Variants in MACROD2 observed in about 807,000 individuals in gnomAD.
MACROD2 encodes mono-ADP ribosylhydrolase 2, also known as ADP-ribose glycohydrolase MACROD2.
In MACROD2, 36 loss-of-function variants were observed where a neutral mutation model predicts 70.4. That is an observed-to-expected ratio of 0.51 (90% confidence interval 0.39 to 0.68). The LOEUF (loss-of-function observed/expected upper bound fraction) is 0.68. Among genes scored for constraint, MACROD2 ranks in the 30% least tolerant of loss-of-function variants. MACROD2 has a pLI of 0.00. For missense variants in MACROD2, 496 were observed against 538.4 expected, an observed-to-expected ratio of 0.92 and a Z score of 0.78; for synonymous variants, 172 against 178.8, an observed-to-expected ratio of 0.96 and a Z score of 0.30.
intron 8 of MACROD2, among the ~76,000 whole-genome samples, chr20:15,850,374 T>C (rs2064283492): frequency 6.6e-6 from 1 of 152,176 alleles, no homozygotes. Context: ...TCACTAGATA[T>C]TTGCTCAGAG....
chr20:15,983,628 G>C (rs936477606), intron 13 of MACROD2, among the ~76,000 whole-genome samples: 1 of 152,172 alleles, frequency 6.6e-6, no homozygotes, highest in Non-Finnish European at 1.5e-5. Flanking sequence ...AGCAGAGAGA[G>C]CTTGGCATGA....
At chr20:14,959,610 A>G (rs1164936986) in intron 5 of MACROD2, among the ~76,000 whole-genome samples, 3 of 152,212 alleles carry the variant, frequency 2.0e-5, no homozygotes, top group East Asian at 1.9e-4. Flanking sequence ...GCAATGCCAT[A>G]AAGATGTACA....
At chr20:14,930,759 C>A (rs1379221488) in intron 5 of MACROD2, among the ~76,000 whole-genome samples, 3 of 81,806 alleles carry the variant, frequency 3.7e-5, no homozygotes, top group African/African-American at 1.5e-4. Flanking sequence ...ATAGGGAGAG[C>A]GTGTCTTAAA....
chr20:15,786,334 T>C (rs545459578), intron 8 of MACROD2, among the ~76,000 whole-genome samples: 1 of 152,098 alleles, frequency 6.6e-6, no homozygotes, highest in East Asian at 1.9e-4. Flanking sequence ...TGATCCTAAT[T>C]TGTAAGAAAA....
intron 6 of MACROD2, among the ~76,000 whole-genome samples, chr20:15,240,191 G>A (rs175305): frequency 0.63 from 95,854 of 152,062 alleles, 31,482 homozygotes; most frequent in African/African-American, 0.79. Flanking sequence ...TGAAATGACA[G>A]TCTTGTTTGT....
At chr20:14,665,064 CATT>C (rs2070722477) in intron 4 of MACROD2, among the ~76,000 whole-genome samples, 2 of 152,210 alleles carry the variant, frequency 1.3e-5, no homozygotes, top group South Asian at 4.1e-4. Flanking sequence ...AATCCTCTGA[CATT>C]AGGGCAAAGA....
chr20:15,160,868 G>C (rs2076343426), intron 5 of MACROD2, among the ~76,000 whole-genome samples: 1 of 152,076 alleles, frequency 6.6e-6, no homozygotes, highest in African/African-American at 2.4e-5. Flanking sequence ...GCAGATGATA[G>C]CTAATTCCAT....
chr20:15,132,528 T>C (rs908541211), intron 5 of MACROD2, among the ~76,000 whole-genome samples: 6 of 151,836 alleles, frequency 4.0e-5, no homozygotes, highest in Non-Finnish European at 8.8e-5. Context: ...CAAAGAAAAC[T>C]TTTATATAGC....
chr20:14,228,635 A>G (rs2081769011), intron 3 of MACROD2, among the ~76,000 whole-genome samples: 1 of 152,224 alleles, frequency 6.6e-6, no homozygotes, highest in Non-Finnish European at 1.5e-5. Flanking sequence ...ATCCATGAAA[A>G]TGATGTAAAA....
intron 8 of MACROD2, among the ~76,000 whole-genome samples, chr20:15,570,087 A>G (rs1268065756): frequency 6.6e-6 from 1 of 152,140 alleles, no homozygotes; most frequent in Non-Finnish European, 1.5e-5. Flanking sequence ...TTCATATTGA[A>G]ATTTGTATAA....
intron 5 of MACROD2, among the ~76,000 whole-genome samples, chr20:14,793,261 A>G (rs1293542357): frequency 6.6e-6 from 1 of 152,008 alleles, no homozygotes; most frequent in Non-Finnish European, 1.5e-5. Context: ...CATATATAGT[A>G]TTCAATAAAA....
intron 4 of MACROD2, among the ~76,000 whole-genome samples, chr20:14,537,831 A>G (rs748779714): frequency 1.3e-5 from 2 of 152,196 alleles, no homozygotes; most frequent in Non-Finnish European, 2.9e-5. Context: ...GACAATTCTC[A>G]TACTTTGCCC....
intron 5 of MACROD2, among the ~76,000 whole-genome samples, chr20:15,123,094 T>C (rs941009054): frequency 6.6e-6 from 1 of 152,176 alleles, no homozygotes; most frequent in African/African-American, 2.4e-5. Flanking sequence ...GATAACTACT[T>C]TTTTAGTGCT....
At chr20:15,320,090 G>T (rs2077857682) in intron 6 of MACROD2, among the ~76,000 whole-genome samples, 1 of 152,108 alleles carries the variant, frequency 6.6e-6, no homozygotes, top group African/African-American at 2.4e-5. Flanking sequence ...TGTAATCCCA[G>T]CTAATCAGGA....
At chr20:14,104,449 G>T (rs1167995653) in intron 3 of MACROD2, among the ~76,000 whole-genome samples, 1 of 152,194 alleles carries the variant, frequency 6.6e-6, no homozygotes. Flanking sequence ...AGATGGTGGG[G>T]AATACAGATG....
intron 3 of MACROD2, among the ~76,000 whole-genome samples, chr20:14,382,382 A>C (rs969420154): frequency 6.6e-6 from 1 of 151,460 alleles, no homozygotes; most frequent in African/African-American, 2.4e-5. Flanking sequence ...TGAAAGGTTA[A>C]TCTGGGCCAG....
intron 12 of MACROD2, among the ~76,000 whole-genome samples, chr20:15,957,819 G>A (rs2065999448): frequency 6.6e-6 from 1 of 152,186 alleles, no homozygotes; most frequent in Non-Finnish European, 1.5e-5. Context: ...GGCCTGATCT[G>A]ATTGCATGAG....
intron 6 of MACROD2, among the ~76,000 whole-genome samples, chr20:15,365,050 A>G (rs6079788): frequency 0.11 from 16,136 of 152,244 alleles, 1,076 homozygotes; most frequent in Non-Finnish European, 0.15. Context: ...AAAGAATCAC[A>G]TTTTACTCTG....
At chr20:16,019,794 G>A (rs1246002944) in intron 15 of MACROD2, among the ~76,000 whole-genome samples, 1 of 152,132 alleles carries the variant, frequency 6.6e-6, no homozygotes. Context: ...TGGTTCTAAT[G>A]CTCAGTCACA....
Sources: allele counts gnomAD v4.1 joint callset (sites outside exome capture counted in the v4.1 genomes callset), GRCh38; gene constraint gnomAD v4.1.1; transcripts MANE v1.5; gene names NCBI Gene and HGNC (gene_info 2026-07-23, HGNC 2026-07-21).